NKAIN2: variants seen among roughly 807,000 people sequenced by gnomAD.
NKAIN2 encodes sodium/potassium transporting ATPase interacting 2, also known as sodium/potassium-transporting ATPase subunit beta-1-interacting protein 2.
Under a neutral mutation model 32.6 loss-of-function variants are expected in NKAIN2, and 14 were observed. The observed-to-expected ratio is 0.43, with a 90% CI of 0.28 to 0.67. NKAIN2 has a LOEUF of 0.67. NKAIN2 is among the 30% of genes least tolerant of loss of function. NKAIN2 has a pLI of 0.17. For synonymous variants in NKAIN2, 80 were observed against 87.2 expected, an observed-to-expected ratio of 0.92 and a Z score of 0.46; for missense variants, 198 against 258.3, an observed-to-expected ratio of 0.77 and a Z score of 1.60.
intron 3 of NKAIN2, among the ~76,000 whole-genome samples, chr6:124,426,760 C>T (rs913696616): frequency 1.2e-4 from 18 of 152,092 alleles, no homozygotes; most frequent in African/African-American, 3.6e-4. Flanking sequence ...GTTCTGGGAG[C>T]GACTCGGTGG....
At chr6:124,691,811 T>C (rs751639147) in intron 4 of NKAIN2, among the ~76,000 whole-genome samples, 14 of 152,212 alleles carry the variant, frequency 9.2e-5, no homozygotes, top group South Asian at 4.1e-4. Context: ...CAACACAGAA[T>C]AAGCATAGCC....
At chr6:123,847,386 G>C (rs918334415) in intron 1 of NKAIN2, among the ~76,000 whole-genome samples, 7 of 152,106 alleles carry the variant, frequency 4.6e-5, no homozygotes, top group Non-Finnish European at 7.3e-5. Context: ...CTCAGCAAAG[G>C]GATCTGAAGG....
At position 124,376,580 on chromosome 6, in the gene NKAIN2, C is replaced by T. The variant is rs888041522; in HGVS notation, c.273+21233C>T. 3.9e-5 allele frequency among the ~76,000 whole-genome samples: 6 copies of T among 152,094 alleles called. No individual in the cohort carries two copies. The East Asian group carries it at 1.2e-3, about 29-fold the overall frequency. ...CATATTTTCAAAGTTTAAAAGTTTT[C>T]TCTCTTTATTAAATCAGAGAACATG... On this transcript the variant is annotated intron_variant, in intron 3 of 6. Transcript: ENST00000368417.
intron 3 of NKAIN2, among the ~76,000 whole-genome samples, chr6:124,514,032 A>G (rs1482726244): frequency 1.3e-5 from 2 of 152,172 alleles, no homozygotes; most frequent in African/African-American, 4.8e-5. Flanking sequence ...GAAGTGTATG[A>G]AGAGAGATAT....
At chr6:124,062,164 T>G (rs1782943299) in intron 1 of NKAIN2, among the ~76,000 whole-genome samples, 1 of 152,208 alleles carries the variant, frequency 6.6e-6, no homozygotes, top group Admixed American at 6.5e-5. Flanking sequence ...TAACCTATTT[T>G]TTTCAATTAA....
Position 124,825,213 on chromosome 6 carries a change from T to C in NKAIN2, c.*1984T>C, listed in dbSNP as rs1441714955. The C allele has an allele frequency of 6.6e-6, 1 of 152,654 alleles. No homozygotes were observed. The highest frequency in any genetic ancestry group is 1.5e-5 in the Non-Finnish European group (1 of 68,044). 9.5% of individuals were successfully genotyped at this position (152,654 alleles called of 1,614,324 possible). ...GTTTCACTGTACATTCATGCTGTGA[T>C]GCGATTTCACCTTATAGTACATGTA... On this transcript the variant is annotated 3_prime_UTR_variant, in exon 7 of 7. Coordinates refer to ENST00000368417, the MANE Select transcript of NKAIN2 (RefSeq NM_001040214.3).
intron 4 of NKAIN2, among the ~76,000 whole-genome samples, chr6:124,682,355 G>A (rs564583661): frequency 2.6e-5 from 4 of 152,196 alleles, no homozygotes; most frequent in African/African-American, 7.2e-5. Context: ...AAAGATGCTG[G>A]CACTATATAA....
Position 124,183,877 on chromosome 6 carries a change from A to C in NKAIN2, c.55-99128A>C, listed in dbSNP as rs191565019. On this transcript the variant is annotated intron_variant, in intron 1 of 6. Coordinates refer to ENST00000368417, the MANE Select transcript of NKAIN2 (RefSeq NM_001040214.3). ...CCTTTGTTACAGAAGATGATTTTTT[A>C]AAATGCGTTTTTGATTATCATGTAG... Among the ~76,000 whole-genome samples the C allele has an allele frequency of 2.6e-5, 4 of 152,280 alleles. No individual in the cohort carries two copies. In the East Asian group the frequency reaches 7.7e-4, roughly 29 times the overall value.
chr6:124,157,014 A>G (rs1234425836), intron 1 of NKAIN2, among the ~76,000 whole-genome samples: 1 of 138,120 alleles, frequency 7.2e-6, no homozygotes, highest in Non-Finnish European at 1.5e-5. Context: ...AAGCCAGGAG[A>G]ATTGCTTGAA....
Position 123,959,511 on chromosome 6 carries a change from G to A in NKAIN2, c.54+155257G>A, listed in dbSNP as rs141201112. 3.4e-3 allele frequency among the ~76,000 whole-genome samples: 512 copies of A among 152,240 alleles called. 2 individuals carry two copies. Among genetic ancestry groups the A allele is most frequent in the African/African-American group, 0.012 (492 of 41,520 alleles). On this transcript the variant is annotated intron_variant, in intron 1 of 6. Coordinates refer to ENST00000368417, the MANE Select transcript of NKAIN2 (RefSeq NM_001040214.3). ...TTGTTGTAAAAACAATTCTTTATGT[G>A]TCCTTGAACATGATACTTCTTCAGT...
At chr6:123,949,697 G>T (rs919563592) in intron 1 of NKAIN2, among the ~76,000 whole-genome samples, 2 of 151,694 alleles carry the variant, frequency 1.3e-5, no homozygotes, top group Admixed American at 6.6e-5. Context: ...AGATTTTTTT[G>T]GTGAAATCTT....
intron 1 of NKAIN2, among the ~76,000 whole-genome samples, chr6:124,210,527 A>T (rs1478260410): frequency 6.6e-6 from 1 of 151,864 alleles, no homozygotes; most frequent in African/African-American, 2.4e-5. Context: ...TAGTATGGAC[A>T]TTTAAAAAAT....
chr6:123,916,991 T>C (rs1367274821), intron 1 of NKAIN2, among the ~76,000 whole-genome samples: 1 of 152,158 alleles, frequency 6.6e-6, no homozygotes, highest in Non-Finnish European at 1.5e-5. Context: ...CAAAACATTT[T>C]AAATTTGTGA....
At chr6:124,724,810 A>T (rs563086470) in intron 4 of NKAIN2, among the ~76,000 whole-genome samples, 1 of 152,344 alleles carries the variant, frequency 6.6e-6, no homozygotes, top group East Asian at 1.9e-4. Flanking sequence ...TTTTTGGGTT[A>T]GTTCCATCCA....
intron 3 of NKAIN2, among the ~76,000 whole-genome samples, chr6:124,411,694 C>T (rs1044513297): frequency 3.3e-5 from 5 of 152,002 alleles, no homozygotes; most frequent in East Asian, 1.9e-4. Flanking sequence ...ATCTTTGTGG[C>T]GTTCTCTGTA....
At chr6:124,567,257 C>A (rs1447175741) in intron 3 of NKAIN2, among the ~76,000 whole-genome samples, 2 of 152,202 alleles carry the variant, frequency 1.3e-5, no homozygotes, top group Admixed American at 1.3e-4. Context: ...GTAAACGGCA[C>A]ACAGGACGCA....
At chr6:124,556,753 T>A (rs1379671112) in intron 3 of NKAIN2, among the ~76,000 whole-genome samples, 1 of 152,228 alleles carries the variant, frequency 6.6e-6, no homozygotes, top group Non-Finnish European at 1.5e-5. Context: ...GTTTTACAGC[T>A]GATAAAACTG....
chr6:124,597,551 A>T (rs2114973677), intron 3 of NKAIN2, among the ~76,000 whole-genome samples: 1 of 152,254 alleles, frequency 6.6e-6, no homozygotes, highest in African/African-American at 2.4e-5. Context: ...CACACTATAT[A>T]TGAAAAATAC....
At chr6:124,104,638 A>G (rs903962161) in intron 1 of NKAIN2, among the ~76,000 whole-genome samples, 2 of 152,260 alleles carry the variant, frequency 1.3e-5, no homozygotes, top group South Asian at 2.1e-4. Context: ...GTGTTTTAAA[A>G]GCATCTAAAA....
Sources: gnomAD v4.1 joint callset for allele counts (sites outside exome capture counted in the v4.1 genomes callset) on GRCh38, gnomAD v4.1.1 for gene constraint, MANE v1.5 for transcripts, NCBI Gene and HGNC (gene_info 2026-07-23, HGNC 2026-07-21) for gene names.